GNAI1: variants seen among roughly 807,000 people sequenced by gnomAD.
The protein encoded by GNAI1 is G protein subunit alpha i1.
Under a neutral mutation model 38.9 loss-of-function variants are expected in GNAI1, and 11 were observed. The observed-to-expected ratio is 0.28, with a 90% CI of 0.18 to 0.47. GNAI1 has a LOEUF of 0.47. Among genes scored for constraint, GNAI1 ranks in the 20% least tolerant of loss-of-function variants. The pLI, the probability that GNAI1 is intolerant of heterozygous loss-of-function variation, is 0.99. For missense variants in GNAI1, 317 were observed against 436.9 expected (o/e 0.73, Z 2.45); for synonymous variants, 166 against 145.1 (o/e 1.14, Z -1.04).
At chr7:80,188,253 C>A (rs1310000343) in intron 1 of GNAI1, among the ~76,000 whole-genome samples, 1 of 152,050 alleles carries the variant, frequency 6.6e-6, no homozygotes, top group Non-Finnish European at 1.5e-5. Flanking sequence ...GCCACTGCTG[C>A]CTATTTCACA....
intron 1 of GNAI1, among the ~76,000 whole-genome samples, chr7:80,151,276 T>C (rs904566447): frequency 6.6e-6 from 1 of 152,140 alleles, no homozygotes; most frequent in Admixed American, 6.6e-5. Flanking sequence ...GGATCCCTAA[T>C]AAAACAGTTC....
chr7:80,205,026 C>T (rs951168352), intron 5 of GNAI1, among the ~76,000 whole-genome samples: 2 of 152,030 alleles, frequency 1.3e-5, no homozygotes, highest in Non-Finnish European at 2.9e-5. Context: ...CTGCTAGTTT[C>T]TTATAATTCA....
intron 5 of GNAI1, among the ~76,000 whole-genome samples, chr7:80,208,949 G>A (rs1417761680): frequency 6.6e-6 from 1 of 152,104 alleles, no homozygotes; most frequent in Non-Finnish European, 1.5e-5. Context: ...CTCATTAAAA[G>A]CTCCTTTAAC....
intron 1 of GNAI1, among the ~76,000 whole-genome samples, chr7:80,174,976 G>A (rs1474153871): frequency 6.6e-6 from 1 of 152,142 alleles, no homozygotes; most frequent in Admixed American, 6.6e-5. Flanking sequence ...TATTCCATGT[G>A]ACCAAATGGG....
At chr7:80,200,207 C>A (rs1034232042) in intron 4 of GNAI1, among the ~76,000 whole-genome samples, 3 of 148,688 alleles carry the variant, frequency 2.0e-5, no homozygotes, top group African/African-American at 7.4e-5. Flanking sequence ...ACGTGTGGTC[C>A]CAGTTACTCA....
intron 7 of GNAI1, among the ~76,000 whole-genome samples, chr7:80,214,627 A>C (rs1475502125): frequency 6.6e-6 from 1 of 152,170 alleles, no homozygotes; most frequent in Non-Finnish European, 1.5e-5. Flanking sequence ...ATTATTGTTT[A>C]AGATCTCCAT....
intron 1 of GNAI1, among the ~76,000 whole-genome samples, chr7:80,184,769 C>A (rs1033684879): frequency 3.3e-5 from 5 of 152,166 alleles, no homozygotes; most frequent in Non-Finnish European, 5.9e-5. Flanking sequence ...CCTCTCCTGC[C>A]CTGCTCATGC....
chr7:80,195,245 A>C (rs1788547787), intron 3 of GNAI1, among the ~76,000 whole-genome samples: 1 of 151,402 alleles, frequency 6.6e-6, no homozygotes, highest in African/African-American at 2.4e-5. Flanking sequence ...TCCCTTCTTG[A>C]CTTAGTGAAA....
At chr7:80,159,007 A>G (rs546758349) in intron 1 of GNAI1, among the ~76,000 whole-genome samples, 1 of 152,280 alleles carries the variant, frequency 6.6e-6, no homozygotes, top group Admixed American at 6.5e-5. Flanking sequence ...CACCCACCAC[A>G]GACATGCTGA....
At chr7:80,159,954 G>A (rs1038143197) in intron 1 of GNAI1, among the ~76,000 whole-genome samples, 6 of 152,114 alleles carry the variant, frequency 3.9e-5, no homozygotes, top group Non-Finnish European at 7.4e-5. Context: ...GCACTTGCTA[G>A]TACTGGTTAT....
At chr7:80,202,323 C>T (rs1346807281) in intron 4 of GNAI1, among the ~76,000 whole-genome samples, 7 of 152,174 alleles carry the variant, frequency 4.6e-5, no homozygotes, top group South Asian at 2.1e-4. Flanking sequence ...TGCCTGACCT[C>T]GTGATCCGCC....
intron 1 of GNAI1, among the ~76,000 whole-genome samples, chr7:80,183,751 G>A (rs1788338025): frequency 6.6e-6 from 1 of 152,124 alleles, no homozygotes; most frequent in Non-Finnish European, 1.5e-5. Flanking sequence ...ATCAGAGGCA[G>A]ACACTGTTTG....
At chr7:80,141,461 A>G (rs1181007222) in intron 1 of GNAI1, among the ~76,000 whole-genome samples, 7 of 152,204 alleles carry the variant, frequency 4.6e-5, no homozygotes, top group East Asian at 1.9e-4. Context: ...TTATCATTAA[A>G]TGGAAAGAAA....
At chr7:80,164,311 G>C (rs149410756) in intron 1 of GNAI1, among the ~76,000 whole-genome samples, 196 of 150,246 alleles carry the variant, frequency 1.3e-3, no homozygotes, top group African/African-American at 4.6e-3. Flanking sequence ...AAAGTGCTGG[G>C]ATTACAGGCG....
At chr7:80,171,422 C>A (rs985077563) in intron 1 of GNAI1, among the ~76,000 whole-genome samples, 1 of 152,032 alleles carries the variant, frequency 6.6e-6, no homozygotes, top group Admixed American at 6.6e-5. Flanking sequence ...AGACAGCTGA[C>A]GAAGAAAAAT....
At chr7:80,163,011 G>A (rs748467764) in intron 1 of GNAI1, among the ~76,000 whole-genome samples, 1 of 152,152 alleles carries the variant, frequency 6.6e-6, no homozygotes, top group Admixed American at 6.5e-5. Context: ...TTTAGGGAAT[G>A]TGGCCAAGTA....
At chr7:80,155,043 T>G (rs1787795127) in intron 1 of GNAI1, among the ~76,000 whole-genome samples, 1 of 152,178 alleles carries the variant, frequency 6.6e-6, no homozygotes, top group African/African-American at 2.4e-5. Flanking sequence ...ATTTTTTCCA[T>G]TATAGCCTGA....
chr7:80,180,419 G>A (rs548862274), intron 1 of GNAI1, among the ~76,000 whole-genome samples: 4 of 152,036 alleles, frequency 2.6e-5, no homozygotes, highest in East Asian at 1.9e-4. Flanking sequence ...TTGCACTTGC[G>A]ATATGATTCT....
chr7:80,181,941 T>G (rs1052172439), intron 1 of GNAI1, among the ~76,000 whole-genome samples: 3 of 152,290 alleles, frequency 2.0e-5, no homozygotes, highest in Middle Eastern at 3.4e-3. Flanking sequence ...TATGTTGTTA[T>G]TAACTGTTGT....
Sources: gnomAD v4.1 joint callset for allele counts (sites outside exome capture counted in the v4.1 genomes callset) on GRCh38, gnomAD v4.1.1 for gene constraint, MANE v1.5 for transcripts, NCBI Gene and HGNC (gene_info 2026-07-23, HGNC 2026-07-21) for gene names.